Variants in CYP27C1 observed in about 807,000 individuals in gnomAD.
CYP27C1 encodes the protein cytochrome P450 27C1.
Under a neutral mutation model 40.6 loss-of-function variants are expected in CYP27C1, and 29 were observed. That is an observed-to-expected ratio of 0.71 (90% confidence interval 0.53 to 0.97). CYP27C1 has a LOEUF of 0.97. Among genes scored for constraint, CYP27C1 ranks in the 50% least tolerant of loss-of-function variants. CYP27C1 has a pLI of 0.00. For missense variants in CYP27C1, 390 were observed against 485.8 expected (o/e 0.80, Z 1.85); for synonymous variants, 198 against 186.8 (o/e 1.06, Z -0.49).
At chr2:127,192,948 C>T (rs1251862963) in intron 8 of CYP27C1, 146 bp downstream of exon 8, 2 of 1,042,838 alleles carry the variant, frequency 1.9e-6, no homozygotes, top group Non-Finnish European at 2.7e-6. Flanking sequence ...GTAGCTGGGA[C>T]CACAGGTGTG....
intron 1 of CYP27C1, among the ~76,000 whole-genome samples, chr2:127,214,593 C>T (rs1348162274): frequency 6.6e-6 from 1 of 152,032 alleles, no homozygotes; most frequent in Non-Finnish European, 1.5e-5. Context: ...ACTGCATGTT[C>T]TTATTCATAA....
rs1683033577 is a variant in CYP27C1, at chr2:127,201,423, G to T, written c.674-92C>A. ...GCCATAAATGCAACTTTCAAACGTG[G>T]TCCAGGTGCCTTTCATGAATGAGGC... On this transcript the variant is annotated intron_variant, in intron 3 of 8. Transcript: ENST00000664447. The surrounding 1 kb of genome is among the most constrained non-coding windows in gnomAD (Gnocchi z 6.0). The T allele has an allele frequency of 8.0e-7, 1 of 1,242,584 alleles. No homozygotes were observed. The highest frequency in any genetic ancestry group is 1.1e-6 in the Non-Finnish European group (1 of 886,314). 77.0% of individuals were successfully genotyped at this position (1,242,584 alleles called of 1,614,324 possible). A position where few individuals can be genotyped will look rare whatever the true frequency, so the allele number is the denominator to read the frequency against.
chr2:127,195,608 TCAAA>T lies in CYP27C1; in HGVS notation c.1048-111_1048-108del. 8.7e-7 allele frequency: 1 copy of T among 1,149,196 alleles called. No individual in the cohort carries two copies. The highest frequency in any genetic ancestry group is 1.2e-6 in the Non-Finnish European group (1 of 813,966). The allele number at this position is 1,149,196 out of a possible 1,614,324, so 71.2% of individuals were successfully genotyped here. ...CCCTGGGAATACACACAGCACAAAG[TCAAA>T]CTCATCCAATTCCATATAGCACCTA... On this transcript the variant is annotated intron_variant, in intron 5 of 8. Transcript: ENST00000664447. The surrounding 1 kb of genome is among the most constrained non-coding windows in gnomAD (Gnocchi z 6.2).
Position 127,208,145 on chromosome 2 carries a change from A to G in CYP27C1, c.283-2055T>C, listed in dbSNP as rs1452362948. On this transcript the variant is annotated intron_variant, in intron 1 of 8. Coordinates refer to ENST00000664447, the MANE Select transcript of CYP27C1 (RefSeq NM_001367502.1). This position sits in a 1 kb window ranked among gnomAD's most constrained non-coding sequence, Gnocchi z 5.2. ...CTCAGAGGCTCCCATCAAAAAAAACATAATAAGCATGTGAAACCTTCCCTG... is the reference window on the plus strand; with the variant it reads ...CTCAGAGGCTCCCATCAAAAAAAACGTAATAAGCATGTGAAACCTTCCCTG... 2.0e-5 allele frequency among the ~76,000 whole-genome samples: 3 copies of G among 152,200 alleles called. No individual in the cohort carries two copies. Among genetic ancestry groups the G allele is most frequent in the African/African-American group, 7.2e-5 (3 of 41,462 alleles).
intron 1 of CYP27C1, among the ~76,000 whole-genome samples, chr2:127,217,803 G>A (rs11889129): frequency 1.0e-3 from 152 of 152,292 alleles, no homozygotes; most frequent in African/African-American, 3.5e-3. Context: ...CAAGGGGAGC[G>A]CAAGTGAACT....
Position 127,218,768 on chromosome 2 carries a change from G to T in CYP27C1, c.282+1221C>A, listed in dbSNP as rs944283259. On this transcript the variant is annotated intron_variant, in intron 1 of 8. Transcript: ENST00000664447. The surrounding 1 kb of genome is among the most constrained non-coding windows in gnomAD (Gnocchi z 6.0). The stretch of plus-strand genomic sequence containing the variant: ...CAGGCCTGGGTGGGAGGAGAAGGGG[G>T]CGTTCTCGGAAGACACCAAAAGCCC... Among the ~76,000 whole-genome samples the T allele has an allele frequency of 6.6e-6, 1 of 152,208 alleles. No individual in the cohort carries two copies. The highest frequency in any genetic ancestry group is 1.9e-4 in the East Asian group (1 of 5,198).
intron 1 of CYP27C1, among the ~76,000 whole-genome samples, chr2:127,212,029 A>G (rs1419506555): frequency 6.6e-6 from 1 of 152,204 alleles, no homozygotes; most frequent in Non-Finnish European, 1.5e-5. Context: ...ATCAGAGAAT[A>G]CTATAAACAC....
chr2:127,197,864 T>C (rs1573895909), intron 5 of CYP27C1, among the ~76,000 whole-genome samples: 1 of 151,234 alleles, frequency 6.6e-6, no homozygotes. Context: ...GGCTCCTTAT[T>C]CCCCCCGGAC....
At position 127,200,962 on chromosome 2, in the gene CYP27C1, C is replaced by CAA. The variant is rs139162819; in HGVS notation, c.883+158_883+159dup. Reference sequence around the variant, plus strand: ...TGGGCGACAGAGCCAGACTCCGTCTCAAAAAAAAAAAAAATCCAAAAGTTA... The same window carrying CAA: ...TGGGCGACAGAGCCAGACTCCGTCTCAAAAAAAAAAAAAAAATCCAAAAGTTA... On this transcript the variant is annotated intron_variant, in intron 4 of 8. Transcript: ENST00000664447. The surrounding 1 kb of genome is among the most constrained non-coding windows in gnomAD (Gnocchi z 4.2). Among the ~76,000 whole-genome samples the CAA allele has an allele frequency of 6.4e-4, 89 of 138,666 alleles. No homozygotes were observed. The highest frequency in any genetic ancestry group is 2.3e-3 in the African/African-American group (87 of 37,412). The allele number at this position is 138,666 out of a possible 152,430, so 91.0% of individuals were successfully genotyped here. A position where few individuals can be genotyped will look rare whatever the true frequency, so the allele number is the denominator to read the frequency against.
At position 127,185,323 on chromosome 2, in the gene CYP27C1, G is replaced by C. The variant is rs1682597455; in HGVS notation, c.*1948C>G. 1 of 152,276 alleles carries C rather than the reference G, an allele frequency of 6.6e-6. No homozygotes were observed. The highest frequency in any genetic ancestry group is 1.5e-5 in the Non-Finnish European group (1 of 68,114). The allele number at this position is 152,276 out of a possible 1,614,324, so 9.4% of individuals were successfully genotyped here. A position where few individuals can be genotyped will look rare whatever the true frequency, so the allele number is the denominator to read the frequency against. On this transcript the variant is annotated 3_prime_UTR_variant, in exon 9 of 9. Transcript: ENST00000664447. This position sits in a 1 kb window ranked among gnomAD's most constrained non-coding sequence, Gnocchi z 4.9. ...TCAGTGAGACTCAGCAGCGGGCACA[G>C]GTGCTACCCCCAGCCCGCACTTTGC...
At chr2:127,187,513 C>T in intron 8 of CYP27C1, 126 bp from the exon 9 acceptor site, 1 of 763,294 alleles carries the variant, frequency 1.3e-6, no homozygotes, top group Non-Finnish European at 2.2e-6. Flanking sequence ...TGAGCACCCA[C>T]ATCCAGCTTT....
At chr2:127,189,805 C>G (rs1017410281) in intron 8 of CYP27C1, among the ~76,000 whole-genome samples, 2 of 152,172 alleles carry the variant, frequency 1.3e-5, no homozygotes, top group African/African-American at 4.8e-5. Flanking sequence ...CCTGAATACA[C>G]CTGATGATAT....
chr2:127,217,236 G>C (rs1040131203), intron 1 of CYP27C1, among the ~76,000 whole-genome samples: 1 of 152,162 alleles, frequency 6.6e-6, no homozygotes, highest in Non-Finnish European at 1.5e-5. Context: ...TGGATGTTAA[G>C]AGCACAGACT....
intron 8 of CYP27C1, among the ~76,000 whole-genome samples, chr2:127,191,061 C>A (rs1462655228): frequency 6.6e-6 from 1 of 151,532 alleles, no homozygotes; most frequent in East Asian, 1.9e-4. Context: ...GCCTGGCCAA[C>A]ATGATGAATC....
At position 127,210,904 on chromosome 2, in the gene CYP27C1, C is replaced by T. The variant is rs528551244; in HGVS notation, c.283-4814G>A. On this transcript the variant is annotated intron_variant, in intron 1 of 8. Coordinates refer to ENST00000664447, the MANE Select transcript of CYP27C1 (RefSeq NM_001367502.1). ...ACCTACAAAGAGACTTAGACTCCCA[C>T]ACAATAATAATGGGAGACTTTAACA... 7.2e-5 allele frequency among the ~76,000 whole-genome samples: 11 copies of T among 152,266 alleles called. 1 individual carries two copies. The South Asian group carries it at 2.3e-3, about 32-fold the overall frequency.
intron 1 of CYP27C1, among the ~76,000 whole-genome samples, chr2:127,211,617 C>T (rs1339673504): frequency 2.0e-5 from 3 of 151,964 alleles, no homozygotes; most frequent in African/African-American, 4.8e-5. Flanking sequence ...GACCTCCTGA[C>T]CTCGTGATCC....
At chr2:127,216,512 C>T (rs1312455522) in intron 1 of CYP27C1, among the ~76,000 whole-genome samples, 1 of 152,014 alleles carries the variant, frequency 6.6e-6, no homozygotes, top group Non-Finnish European at 1.5e-5. Flanking sequence ...TCTATAGATA[C>T]AGAAAGTAGC....
At chr2:127,205,819 T>C (rs533909828) in intron 2 of CYP27C1, 81 bp downstream of exon 2, 4 of 947,780 alleles carry the variant, frequency 4.2e-6, no homozygotes, top group Non-Finnish European at 5.0e-6. Context: ...AGCTGGCTTT[T>C]AGGAACTCAG....
intron 1 of CYP27C1, among the ~76,000 whole-genome samples, chr2:127,217,714 C>T (rs1476428176): frequency 6.6e-6 from 1 of 152,246 alleles, no homozygotes; most frequent in Non-Finnish European, 1.5e-5. Context: ...AACCACCCAA[C>T]TCTTTCCATC....
Sources: gnomAD v4.1 joint callset for allele counts (sites outside exome capture counted in the v4.1 genomes callset) on GRCh38, gnomAD v4.1.1 for gene constraint, Gnocchi (gnomAD v3.1) non-coding constraint, MANE v1.5 for transcripts, NCBI Gene and HGNC (gene_info 2026-07-23, HGNC 2026-07-21) for gene names.